The following FBXW11 variants were observed in gnomAD, a reference collection of about 807,000 sequenced individuals.
FBXW11 encodes F-box/WD repeat-containing protein 11.
A neutral mutation model predicts 77.6 loss-of-function variants in FBXW11; 19 were observed. That is an observed-to-expected ratio of 0.24 (90% CI 0.17 to 0.36). The LOEUF (loss-of-function observed/expected upper bound fraction) is 0.36. Among genes scored for constraint, FBXW11 ranks in the 10% least tolerant of loss-of-function variants. The pLI is 1.00. For synonymous variants in FBXW11, 235 were observed against 249.4 expected (o/e 0.94, Z 0.54); for missense variants, 334 against 704.2 (o/e 0.47, Z 5.95).
At chr5:171,939,349 G>GT (rs1483521656) in intron 2 of FBXW11, among the ~76,000 whole-genome samples, 1 of 152,144 alleles carries the variant, frequency 6.6e-6, no homozygotes, top group Non-Finnish European at 1.5e-5. Context: ...ACCCACCCAA[G>GT]TGACTCTTGA....
intron 4 of FBXW11, among the ~76,000 whole-genome samples, chr5:171,909,685 ATGTGTG>A (rs111850090): frequency 2.4e-3 from 365 of 150,046 alleles, no homozygotes; most frequent in Non-Finnish European, 3.3e-3. Context: ...ATTTAACCAG[ATGTGTG>A]TGTGTGTGTG....
In FBXW11 at chr5:171,910,566, A is replaced by T; in HGVS notation, c.436+6T>A. 4 of 1,608,424 alleles carry T rather than the reference A, an allele frequency of 2.5e-6. No individual in the cohort carries two copies. The highest frequency in any genetic ancestry group is 3.4e-6 in the Non-Finnish European group (4 of 1,176,088). ...GCTCAGCTTTTGAAAAGACAAGTAC[A>T]GTTACCTGGTAAAGCGGTAATAAAG... On this transcript the variant is annotated splice_donor_region_variant and intron_variant, in intron 4 of 13. Transcript: ENST00000517395.
chr5:171,892,691 C>T (rs1203515947), intron 6 of FBXW11, among the ~76,000 whole-genome samples: 1 of 152,190 alleles, frequency 6.6e-6, no homozygotes, highest in African/African-American at 2.4e-5. Flanking sequence ...GACCTAACCT[C>T]TGGTAGTAGA....
At chr5:172,004,554 C>G (rs908076502) in intron 1 of FBXW11, among the ~76,000 whole-genome samples, 10 of 151,996 alleles carry the variant, frequency 6.6e-5, no homozygotes, top group African/African-American at 2.4e-4. Flanking sequence ...CAACGTATTT[C>G]TTATAATTCT....
intron 1 of FBXW11, among the ~76,000 whole-genome samples, chr5:171,986,355 A>G (rs577708917): frequency 6.6e-6 from 1 of 152,062 alleles, no homozygotes; most frequent in East Asian, 1.9e-4. Flanking sequence ...TTGCAGTGAG[A>G]TCACACCATT....
chr5:171,940,258 A>G (rs1157295126), intron 2 of FBXW11, among the ~76,000 whole-genome samples: 1 of 152,252 alleles, frequency 6.6e-6, no homozygotes, highest in Admixed American at 6.5e-5. Context: ...CTGGAAGGCT[A>G]GAATGAGATC....
intron 1 of FBXW11, among the ~76,000 whole-genome samples, chr5:171,985,102 T>A (rs755036672): frequency 2.6e-5 from 4 of 152,180 alleles, no homozygotes; most frequent in Non-Finnish European, 4.4e-5. Context: ...CTAAAATGTC[T>A]CATTTCCTCC....
Position 171,913,807 on chromosome 5 carries a change from CCACACACACATACACACA to C in FBXW11, c.210+518_210+535del, listed in dbSNP as rs1379708772. Among the ~76,000 whole-genome samples the C allele has an allele frequency of 1.5e-3, 142 of 97,900 alleles. 1 individual carries two copies. Among genetic ancestry groups the C allele is most frequent in the Admixed American group, 2.2e-3 (19 of 8,734 alleles). 64.2% of individuals were successfully genotyped at this position (97,900 alleles called of 152,430 possible). A position where few individuals can be genotyped will look rare whatever the true frequency, so the allele number is the denominator to read the frequency against. On this transcript the variant is annotated intron_variant, in intron 3 of 13. Coordinates refer to ENST00000517395, the MANE Select transcript of FBXW11 (RefSeq NM_001378974.1). The stretch of plus-strand genomic sequence containing the variant: ...CTTTGCTTGCTCCCCAAACCCCCAA[CCACACACACATACACACA>C]CACACACACACACACACACACACAC...
At chr5:172,001,930 A>G (rs1348594598) in intron 1 of FBXW11, among the ~76,000 whole-genome samples, 1 of 152,222 alleles carries the variant, frequency 6.6e-6, no homozygotes, top group Non-Finnish European at 1.5e-5. Context: ...GTGTGAGCAG[A>G]ATCTGGAGGA....
chr5:171,878,553 AGTGTGTGAGTGT>A (rs1236419355), intron 7 of FBXW11, among the ~76,000 whole-genome samples: 4 of 105,492 alleles, frequency 3.8e-5, no homozygotes, highest in African/African-American at 1.5e-4. Context: ...TCTCCATAAG[AGTGTGTGAGTGT>A]GTGTGTGTGT....
At chr5:171,905,714 T>C (rs1760466007) in intron 4 of FBXW11, among the ~76,000 whole-genome samples, 1 of 151,120 alleles carries the variant, frequency 6.6e-6, no homozygotes, top group Non-Finnish European at 1.5e-5. Context: ...ATGCAGAGCA[T>C]GTAACTTTCT....
intron 2 of FBXW11, among the ~76,000 whole-genome samples, chr5:171,942,756 C>T (rs1762814438): frequency 6.6e-6 from 1 of 152,138 alleles, no homozygotes; most frequent in South Asian, 2.1e-4. Flanking sequence ...GGGCAGTGAT[C>T]ACACCACCGT....
intron 2 of FBXW11, among the ~76,000 whole-genome samples, chr5:171,922,570 C>A (rs1761656940): frequency 6.6e-6 from 1 of 152,204 alleles, no homozygotes; most frequent in Admixed American, 6.5e-5. Flanking sequence ...ATTAACACAA[C>A]CACCATCAAA....
intron 1 of FBXW11, among the ~76,000 whole-genome samples, chr5:171,996,569 A>G (rs896769924): frequency 3.9e-5 from 6 of 152,216 alleles, no homozygotes; most frequent in Admixed American, 2.6e-4. Context: ...AGGCTAAGGC[A>G]GGAAGATCGT....
At chr5:171,988,525 T>C (rs1228068946) in intron 1 of FBXW11, among the ~76,000 whole-genome samples, 3 of 151,796 alleles carry the variant, frequency 2.0e-5, no homozygotes, top group Non-Finnish European at 1.5e-5. Context: ...GGAAGAAAAA[T>C]GGGGGCAGCC....
At chr5:171,870,926 TA>T in intron 10 of FBXW11, 68 bp from the exon 11 acceptor site, 3 of 1,097,362 alleles carry the variant, frequency 2.7e-6, no homozygotes, top group Non-Finnish European at 4.2e-6. Context: ...GTAAGTTTTT[TA>T]TATCTGTTCC....
At chr5:171,998,694 G>T (rs1342591236) in intron 1 of FBXW11, among the ~76,000 whole-genome samples, 1 of 151,240 alleles carries the variant, frequency 6.6e-6, no homozygotes, top group Admixed American at 6.6e-5. Flanking sequence ...CTACTCGGGA[G>T]GCTGAGGAAG....
At chr5:171,985,375 A>T (rs1765378071) in intron 1 of FBXW11, among the ~76,000 whole-genome samples, 1 of 152,148 alleles carries the variant, frequency 6.6e-6, no homozygotes, top group Admixed American at 6.5e-5. Context: ...CTGTAACCCC[A>T]ACAGCTCAGG....
chr5:171,932,741 C>A (rs1762278755), intron 2 of FBXW11, among the ~76,000 whole-genome samples: 2 of 151,910 alleles, frequency 1.3e-5, no homozygotes, highest in South Asian at 4.1e-4. Flanking sequence ...ACAGAAAAAC[C>A]TTAACATGGC....
Sources: allele counts gnomAD v4.1 joint callset (sites outside exome capture counted in the v4.1 genomes callset), GRCh38; gene constraint gnomAD v4.1.1; transcripts MANE v1.5; gene names NCBI Gene and HGNC (gene_info 2026-07-23, HGNC 2026-07-21).